SAMD5: variants seen among roughly 807,000 people sequenced by gnomAD.
SAMD5 encodes sterile alpha motif domain-containing protein 5.
SAMD5 carries 13 observed loss-of-function variants against 11.3 expected under a neutral mutation model. The ratio of observed to expected loss-of-function variants is 1.15; its 90% CI spans 0.75 to 1.83. The LOEUF (loss-of-function observed/expected upper bound fraction) is 1.83. Among genes scored for constraint, SAMD5 ranks in the 40% most tolerant of loss-of-function variants. The pLI is 0.00. For missense variants in SAMD5, 255 were observed against 239.1 expected (o/e 1.07, Z -0.44); for synonymous variants, 129 against 111.3 (o/e 1.16, Z -1.00).
chr6:147,648,095 A>T (rs955976221), intron 1 of SAMD5, among the ~76,000 whole-genome samples: 1 of 152,188 alleles, frequency 6.6e-6, no homozygotes, highest in Non-Finnish European at 1.5e-5. Flanking sequence ...CAGATTTGTG[A>T]AATGCATCAG....
At chr6:147,938,784 G>A in the SAMD5 span, among the ~76,000 whole-genome samples, 6 of 152,340 alleles carry the variant, frequency 3.9e-5, no homozygotes, top group East Asian at 9.6e-4. Context: ...TGGAGGAGGA[G>A]TGGTCGACTT....
chr6:147,697,416 C>T (rs117059360), intron 1 of SAMD5, among the ~76,000 whole-genome samples: 6 of 152,280 alleles, frequency 3.9e-5, no homozygotes, highest in Non-Finnish European at 8.8e-5. Context: ...CTCACATCTG[C>T]ATGATTACAG....
At chr6:147,519,951 A>T (rs562600905) in intron 1 of SAMD5, among the ~76,000 whole-genome samples, 1 of 152,272 alleles carries the variant, frequency 6.6e-6, no homozygotes, top group East Asian at 1.9e-4. Flanking sequence ...TATTCTTACA[A>T]CTGAAGTGAC....
the SAMD5 span, among the ~76,000 whole-genome samples, chr6:147,751,481 A>T: frequency 1.3e-5 from 2 of 152,170 alleles, no homozygotes; most frequent in African/African-American, 4.8e-5. Flanking sequence ...TGAAGGAGTG[A>T]ATGACAGATT....
intron 1 of SAMD5, among the ~76,000 whole-genome samples, chr6:147,520,355 A>G (rs1037174665): frequency 1.3e-5 from 2 of 152,124 alleles, no homozygotes; most frequent in African/African-American, 4.8e-5. Context: ...TCCTGACCTC[A>G]GGTGATCCAC....
chr6:147,772,719 G>T, the SAMD5 span, among the ~76,000 whole-genome samples: 1 of 152,070 alleles, frequency 6.6e-6, no homozygotes, highest in Non-Finnish European at 1.5e-5. Context: ...TTCTTACATG[G>T]ACACTAGTCA....
At chr6:147,718,920 A>C (rs1583152077) in intron 1 of SAMD5, among the ~76,000 whole-genome samples, 1 of 152,044 alleles carries the variant, frequency 6.6e-6, no homozygotes, top group African/African-American at 2.4e-5. Flanking sequence ...CGAACTCCTG[A>C]CCTCTGGTGA....
At chr6:147,913,606 G>C in the SAMD5 span, among the ~76,000 whole-genome samples, 3 of 152,176 alleles carry the variant, frequency 2.0e-5, no homozygotes, top group Non-Finnish European at 2.9e-5. Flanking sequence ...TGAGGCAGGA[G>C]AATCTCTTGA....
chr6:147,746,021 C>T, the SAMD5 span, among the ~76,000 whole-genome samples: 1 of 152,122 alleles, frequency 6.6e-6, no homozygotes, highest in African/African-American at 2.4e-5. Flanking sequence ...GGATTACAGG[C>T]GTGAGCCACC....
chr6:147,521,142 T>G (rs1289243798), intron 1 of SAMD5, among the ~76,000 whole-genome samples: 2 of 152,164 alleles, frequency 1.3e-5, no homozygotes, highest in Non-Finnish European at 2.9e-5. Context: ...TATTATTTTT[T>G]TATTATTTGA....
In SAMD5 at chr6:147,565,899, T is replaced by C; in HGVS notation, c.*1443T>C. 2 of 985,426 alleles carry C rather than the reference T, an allele frequency of 2.0e-6. No homozygotes were observed. Among genetic ancestry groups the C allele is most frequent in the Non-Finnish European group, 2.4e-6 (2 of 829,918 alleles). The allele number at this position is 985,426 out of a possible 1,614,324, so 61.0% of individuals were successfully genotyped here. On this transcript the variant is annotated 3_prime_UTR_variant, in exon 2 of 2. Transcript: ENST00000367474. ...CTGTCAATTGTTTAGAGCTCCCAAG[T>C]AGTACTGCATTACGGAATCTACTAC...
At chr6:147,798,640 G>A in the SAMD5 span, among the ~76,000 whole-genome samples, 18 of 152,150 alleles carry the variant, frequency 1.2e-4, no homozygotes, top group African/African-American at 2.7e-4. Context: ...TTTTTGTCTC[G>A]TTGATCTGTC....
At chr6:147,824,806 C>CTTCATTCA in the SAMD5 span, among the ~76,000 whole-genome samples, 1 of 152,254 alleles carries the variant, frequency 6.6e-6, no homozygotes, top group Non-Finnish European at 1.5e-5. Context: ...TACTAATGTG[C>CTTCATTCA]TTCATTCATT....
intron 1 of SAMD5, among the ~76,000 whole-genome samples, chr6:147,539,304 G>A (rs1326617457): frequency 3.3e-5 from 5 of 152,100 alleles, no homozygotes; most frequent in Non-Finnish European, 5.9e-5. Context: ...TCCCAGTCGC[G>A]GGCGAGGATG....
chr6:147,878,820 T>A, the SAMD5 span, among the ~76,000 whole-genome samples: 10 of 151,892 alleles, frequency 6.6e-5, no homozygotes. Context: ...AGTGGCGCAA[T>A]CTCGGCTCAC....
chr6:147,588,791 C>T (rs1789412877), intron 1 of SAMD5, among the ~76,000 whole-genome samples: 1 of 152,058 alleles, frequency 6.6e-6, no homozygotes, highest in Non-Finnish European at 1.5e-5. Context: ...CTTACGGAAA[C>T]TGGTACTGGG....
the SAMD5 span, among the ~76,000 whole-genome samples, chr6:147,872,660 G>C: frequency 7.2e-5 from 11 of 152,120 alleles, no homozygotes; most frequent in African/African-American, 2.7e-4. Context: ...GAGTATTCAT[G>C]GGGACTGACC....
the SAMD5 span, among the ~76,000 whole-genome samples, chr6:147,846,132 G>A: frequency 2.0e-5 from 3 of 151,858 alleles, 1 homozygote; most frequent in Admixed American, 6.6e-5. Context: ...TATTTTAAAA[G>A]TATCACATAA....
rs529975933 is a variant in SAMD5 at position 147,626,791 on chromosome 6, G to GAAAAAAAAAAA, written c.163-110510_163-110500dup. ...CAACATAACGAGACACTGTTTCTATGAAAAAAAAAAAAAAAAAAAAAAAAA... is the reference window on the plus strand; with the variant it reads ...CAACATAACGAGACACTGTTTCTATGAAAAAAAAAAAAAAAAAAAAAAAAAAAAAAAAAAAA... On this transcript the variant is annotated intron_variant, in intron 1 of 1. Transcript: ENST00000566741. Among the ~76,000 whole-genome samples the GAAAAAAAAAAA allele has an allele frequency of 5.0e-3, 273 of 54,704 alleles. 11 individuals carry two copies. The highest frequency in any genetic ancestry group is 6.4e-3 in the African/African-American group (120 of 18,646). The allele number at this position is 54,704 out of a possible 152,430, so 35.9% of individuals were successfully genotyped here.
Sources: gnomAD v4.1 joint callset for allele counts (sites outside exome capture counted in the v4.1 genomes callset) on GRCh38, gnomAD v4.1.1 for gene constraint, MANE v1.5 for transcripts, NCBI Gene and HGNC (gene_info 2026-07-23, HGNC 2026-07-21) for gene names.